Variants in KMT2C observed in about 807,000 individuals in gnomAD.
The protein encoded by KMT2C is lysine methyltransferase 2C, also known as histone-lysine N-methyltransferase 2C.
A neutral mutation model predicts 507.9 loss-of-function variants in KMT2C; 88 were observed. That is an observed-to-expected ratio of 0.17 (90% CI 0.15 to 0.21). KMT2C has a LOEUF of 0.21. Among genes scored for constraint, KMT2C ranks in the 10% least tolerant of loss-of-function variants. The probability of loss-of-function intolerance (pLI) is 1.00; values close to 1 mark genes in which losing one functional copy is unlikely to be tolerated. For synonymous variants in KMT2C, 2,049 were observed against 2,080.8 expected (o/e 0.98, Z 0.42); for missense variants, 4,954 against 5,957.8 (o/e 0.83, Z 5.55).
At position 152,182,296 on chromosome 7, in the gene KMT2C, G is replaced by A. The variant is rs1450295784; in HGVS notation, c.5564C>T (p.Pro1855Leu). The change falls in exon 36 of 59, where the codon CCT becomes CTT. Residue 1855 changes from proline to leucine, a missense_variant. Pro to Leu is a moderately conservative substitution (Grantham distance 98). Transcript: ENST00000262189. ...GGGAATCCGGGATGGGGCTGGAGGAGGAGGTGGAGCTTGTGGCTTTACAAA... is the reference window on the plus strand; with the variant it reads ...GGGAATCCGGGATGGGGCTGGAGGAAGAGGTGGAGCTTGTGGCTTTACAAA... ...DVFVKPQAPP[P>L]PPAPSRIPIQ... 5 of 1,614,206 alleles carry A rather than the reference G, an allele frequency of 3.1e-6. No homozygotes were observed. The East Asian group carries it at 8.9e-5, about 29-fold the overall frequency.
At chr7:152,323,931 C>G (rs1442801774) in intron 3 of KMT2C, among the ~76,000 whole-genome samples, 1 of 151,370 alleles carries the variant, frequency 6.6e-6, no homozygotes, top group Non-Finnish European at 1.5e-5. Flanking sequence ...AATCCAGGCA[C>G]AGAAAGACAA....
At chr7:152,431,333 T>C (rs968190768) in intron 1 of KMT2C, among the ~76,000 whole-genome samples, 1 of 152,114 alleles carries the variant, frequency 6.6e-6, no homozygotes, top group African/African-American at 2.4e-5. Context: ...GTGCGGTGTT[T>C]CATGTCTGTA....
At chr7:152,355,129 T>C (rs1563967133) in intron 2 of KMT2C, among the ~76,000 whole-genome samples, 1 of 151,806 alleles carries the variant, frequency 6.6e-6, no homozygotes, top group East Asian at 2.0e-4. Context: ...ATGTCTAAAA[T>C]GTGAAAATGT....
chr7:152,295,504 C>T (rs997785206), intron 6 of KMT2C, among the ~76,000 whole-genome samples: 4 of 152,206 alleles, frequency 2.6e-5, no homozygotes, highest in East Asian at 1.9e-4. Flanking sequence ...TCTACTGAAA[C>T]TTACCCATCC....
chr7:152,323,669 A>G (rs551910228), intron 3 of KMT2C, among the ~76,000 whole-genome samples: 3 of 148,794 alleles, frequency 2.0e-5, no homozygotes, highest in Admixed American at 6.7e-5. Context: ...AAAGAGAAAG[A>G]AAGGAAGGAA....
At chr7:152,333,204 T>C (rs573425951) in intron 2 of KMT2C, among the ~76,000 whole-genome samples, 12 of 152,242 alleles carry the variant, frequency 7.9e-5, no homozygotes, top group African/African-American at 2.6e-4. Flanking sequence ...TGGAGTGCAG[T>C]AGTATGATCA....
chr7:152,363,116 A>C (rs2097210018), intron 1 of KMT2C, among the ~76,000 whole-genome samples: 1 of 152,242 alleles, frequency 6.6e-6, no homozygotes, highest in African/African-American at 2.4e-5. Context: ...TTCATATTTA[A>C]ACAGCAAAAT....
intron 6 of KMT2C, among the ~76,000 whole-genome samples, chr7:152,297,035 A>AAGAC (rs2096510613): frequency 1.0e-5 from 1 of 97,036 alleles, no homozygotes; most frequent in African/African-American, 5.2e-5. Flanking sequence ...GAAAGAAAGA[A>AAGAC]AGAAAGAAAG....
chr7:152,137,023 A>C lies in KMT2C; in HGVS notation c.14644-99T>G, dbSNP rs12333958. 2.9e-3 allele frequency: 2,609 copies of C among 887,932 alleles called. 57 individuals carry two copies. In the African/African-American group the frequency reaches 0.038, roughly 13 times the overall value. 55.0% of individuals were successfully genotyped at this position (887,932 alleles called of 1,614,324 possible). The stretch of plus-strand genomic sequence containing the variant: ...GCATTTTAAAACCAGCAAACGAAAC[A>C]GACGTAAATTAAGGAAGACCTGATT... On this transcript the variant is annotated intron_variant, in intron 58 of 58. Coordinates refer to ENST00000262189, the MANE Select transcript of KMT2C (RefSeq NM_170606.3).
At chr7:152,235,432 GAA>G (rs551576748) in intron 16 of KMT2C, among the ~76,000 whole-genome samples, 353 of 151,862 alleles carry the variant, frequency 2.3e-3, no homozygotes, top group Non-Finnish European at 3.6e-3. Context: ...ATAAAATAGC[GAA>G]GTTATTACAT....
At position 152,330,919 on chromosome 7, in the gene KMT2C, C is replaced by T. The variant is rs183942927; in HGVS notation, c.251-180G>A. Among the ~76,000 whole-genome samples the T allele has an allele frequency of 2.4e-4, 36 of 152,212 alleles. 2 individuals carry two copies. The highest frequency in any genetic ancestry group is 7.7e-4 in the African/African-American group (32 of 41,520). On this transcript the variant is annotated intron_variant, in intron 2 of 58. Transcript: ENST00000262189. The stretch of plus-strand genomic sequence containing the variant: ...GGTATTGTGCATCTTTATTCTCTAC[C>T]GCAAAATGATTATCAAAATAATGTG...
chr7:152,369,602 C>T (rs1446822924), intron 1 of KMT2C, among the ~76,000 whole-genome samples: 1 of 152,034 alleles, frequency 6.6e-6, no homozygotes, highest in Non-Finnish European at 1.5e-5. Context: ...GGATTAATGT[C>T]GTTCTGAAAG....
chr7:152,416,329 A>T (rs966493534), intron 1 of KMT2C, among the ~76,000 whole-genome samples: 2 of 152,074 alleles, frequency 1.3e-5, no homozygotes, highest in African/African-American at 4.8e-5. Context: ...GCAGATCACG[A>T]GGTTAGGAGA....
rs1345198442 is a variant in KMT2C, at chr7:152,163,751, C to A, written c.9826G>T (p.Ala3276Ser). The change falls in exon 43 of 59, where the codon GCC (alanine) becomes TCC (serine). Residue 3276 changes from alanine (A) to serine (S), a missense_variant. Coordinates refer to ENST00000262189, the MANE Select transcript of KMT2C (RefSeq NM_170606.3). The stretch of plus-strand genomic sequence containing the variant: ...ACACTGGGCATCATGGTAGGTGGGG[C>A]CATTGCACATTGCTGCTGCTGTTTG... ...RIKQQQQCAM[A>S]PPTMMPSVQP... The A allele has an allele frequency of 1.9e-6, 3 of 1,614,094 alleles. No individual in the cohort carries two copies. Among genetic ancestry groups the A allele is most frequent in the East Asian group, 2.2e-5 (1 of 44,884 alleles).
chr7:152,318,564 T>C (rs1348350472), intron 3 of KMT2C, among the ~76,000 whole-genome samples: 1 of 145,234 alleles, frequency 6.9e-6, no homozygotes, highest in African/African-American at 2.6e-5. Context: ...GAGGTAGAGG[T>C]TGCAGTGAGC....
chr7:152,230,774 C>T (rs1293057809), intron 16 of KMT2C, among the ~76,000 whole-genome samples: 8 of 152,128 alleles, frequency 5.3e-5, no homozygotes, highest in Non-Finnish European at 8.8e-5. Flanking sequence ...TTAGATATAT[C>T]GGTCGAAATG....
At position 152,169,356 on chromosome 7, in the gene KMT2C, T is replaced by TG; in HGVS notation, c.9454-108_9454-107insC. On this transcript the variant is annotated intron_variant, in intron 40 of 58. Transcript: ENST00000262189. ...AAAAGAAATGGAAGAAAAAACCCTT[T>TG]AATTTCCTAAGATATCTTTTAAAGG... is the stretch of plus-strand genomic sequence containing the variant. 4 of 671,916 alleles carry TG rather than the reference T, an allele frequency of 6.0e-6. No homozygotes were observed. In the South Asian group the frequency reaches 7.1e-5, roughly 12 times the overall value. The allele number at this position is 671,916 out of a possible 1,614,324, so 41.6% of individuals were successfully genotyped here.
At chr7:152,405,133 A>G (rs1589776595) in intron 1 of KMT2C, among the ~76,000 whole-genome samples, 2 of 152,340 alleles carry the variant, frequency 1.3e-5, no homozygotes, top group East Asian at 3.9e-4. Flanking sequence ...TACAGGCATG[A>G]GGCACCACAC....
Position 152,372,281 on chromosome 7 carries a change from G to A in KMT2C, c.162-13606C>T, listed in dbSNP as rs2097298672. Among the ~76,000 whole-genome samples the A allele has an allele frequency of 2.6e-5, 4 of 151,998 alleles. No individual in the cohort carries two copies. The South Asian group carries it at 8.3e-4, about 32-fold the overall frequency. On this transcript the variant is annotated intron_variant, in intron 1 of 58. Coordinates refer to ENST00000262189, the MANE Select transcript of KMT2C (RefSeq NM_170606.3). ...AGCGATTCACCTGCCTCAGCCTCCT[G>A]AGTAACTGGGATTACAGGCGCCCAC...
Sources: allele counts gnomAD v4.1 joint callset (sites outside exome capture counted in the v4.1 genomes callset), GRCh38; gene constraint gnomAD v4.1.1; transcripts MANE v1.5; gene names NCBI Gene and HGNC (gene_info 2026-07-23, HGNC 2026-07-21).